The following FBLN1 variants were observed in gnomAD, a reference collection of about 807,000 sequenced individuals.
FBLN1 encodes fibulin 1.
Under a neutral mutation model 89.7 loss-of-function variants are expected in FBLN1, and 34 were observed. That is an observed-to-expected ratio of 0.38 (90% CI 0.29 to 0.50). The LOEUF is 0.50. FBLN1 is among the 20% of genes least tolerant of loss of function. The pLI is 0.92. For synonymous variants in FBLN1, 393 were observed against 391.3 expected (o/e 1.00, Z -0.05); for missense variants, 777 against 988.1 (o/e 0.79, Z 2.86).
At chr22:45,592,416 T>C (rs2089146485) in intron 16 of FBLN1, among the ~76,000 whole-genome samples, 1 of 152,124 alleles carries the variant, frequency 6.6e-6, no homozygotes, top group South Asian at 2.1e-4. Context: ...AACCTCTGCC[T>C]CCCATGTTCA....
chr22:45,544,568 A>G (rs1190695162), intron 11 of FBLN1, among the ~76,000 whole-genome samples: 1 of 152,230 alleles, frequency 6.6e-6, no homozygotes, highest in African/African-American at 2.4e-5. Context: ...TCTAAAGTAG[A>G]TGCTTCTAAG....
chr22:45,589,097 A>T (rs992145821), intron 16 of FBLN1, among the ~76,000 whole-genome samples: 1 of 145,788 alleles, frequency 6.9e-6, no homozygotes, highest in East Asian at 2.0e-4. Flanking sequence ...TATATATATA[A>T]AAAATATATA....
Position 45,556,615 on chromosome 22 carries a change from T to C in FBLN1, c.1697+6000T>C, listed in dbSNP as rs2088791479. On this transcript the variant is annotated intron_variant, in intron 14 of 16. Coordinates refer to ENST00000327858, the MANE Select transcript of FBLN1 (RefSeq NM_006486.3). The surrounding 1 kb of genome is among the most constrained non-coding windows in gnomAD (Gnocchi z 4.6). ...GATCTCCTGTATTCCATGCATACTC[T>C]AACTTATCTTCATTTTGGAGTAGTA... 6.6e-6 allele frequency among the ~76,000 whole-genome samples: 1 copy of C among 152,180 alleles called. No homozygotes were observed. The highest frequency in any genetic ancestry group is 6.5e-5 in the Admixed American group (1 of 15,282).
intron 4 of FBLN1, among the ~76,000 whole-genome samples, chr22:45,528,768 C>T (rs1251531216): frequency 1.3e-5 from 2 of 152,144 alleles, no homozygotes; most frequent in Non-Finnish European, 1.5e-5. Context: ...CACGTGCATC[C>T]GTGTCACCAT....
intron 1 of FBLN1, chr22:45,503,356 G>C: frequency 9.4e-6 from 2 of 212,180 alleles, no homozygotes; most frequent in Non-Finnish European, 1.9e-5. Flanking sequence ...GCCGCATCCC[G>C]GGCCCTGGGG....
At chr22:45,529,785 T>C (rs1602180083) in intron 4 of FBLN1, among the ~76,000 whole-genome samples, 2 of 152,262 alleles carry the variant, frequency 1.3e-5, no homozygotes, top group South Asian at 4.2e-4. Flanking sequence ...GAGAATCGCT[T>C]GAACCTGGGA....
rs201120975 is a variant in FBLN1 at position 45,547,209 on chromosome 22, G to A, written c.1441+5G>A. The A allele has an allele frequency of 9.0e-5, 145 of 1,613,488 alleles. No individual in the cohort carries two copies. The highest frequency in any genetic ancestry group is 2.7e-4 in the African/African-American group (20 of 74,980). Reference sequence around the variant, plus strand: ...TGGATGGAGTCACCTGTGAAGGTGCGGACGCCCCTGCCTGCTGAGGGGGAA... The same window carrying A: ...TGGATGGAGTCACCTGTGAAGGTGCAGACGCCCCTGCCTGCTGAGGGGGAA... On this transcript the variant is annotated splice_donor_5th_base_variant and intron_variant, in intron 12 of 16. Coordinates refer to ENST00000327858, the MANE Select transcript of FBLN1 (RefSeq NM_006486.3).
At chr22:45,568,427 A>AAT (rs879829585) in intron 14 of FBLN1, among the ~76,000 whole-genome samples, 22,864 of 102,438 alleles carry the variant, frequency 0.22, 3,183 homozygotes, top group Admixed American at 0.26. Flanking sequence ...TCTGTAGGGG[A>AAT]GTGCTCCTTC....
chr22:45,545,220 A>G lies in FBLN1; in HGVS notation c.1321+1694A>G, dbSNP rs1317904317. 1.3e-5 allele frequency among the ~76,000 whole-genome samples: 2 copies of G among 152,328 alleles called. No homozygotes were observed. Among genetic ancestry groups the G allele is most frequent in the East Asian group, 1.9e-4 (1 of 5,182 alleles). Reference sequence around the variant, plus strand: ...ACAAGATTCACGAGTTGAGTCTCTCAGGCTTGTGTTCAAACCTGACTTCTG... The same window carrying G: ...ACAAGATTCACGAGTTGAGTCTCTCGGGCTTGTGTTCAAACCTGACTTCTG... On this transcript the variant is annotated intron_variant, in intron 11 of 16. Transcript: ENST00000327858. This position sits in a 1 kb window ranked among gnomAD's most constrained non-coding sequence, Gnocchi z 5.9.
intron 14 of FBLN1, among the ~76,000 whole-genome samples, chr22:45,573,484 A>G (rs1332388023): frequency 1.3e-5 from 2 of 151,056 alleles, no homozygotes; most frequent in African/African-American, 2.4e-5. Context: ...GACCAGCCTG[A>G]CCAACATGGT....
intron 1 of FBLN1, among the ~76,000 whole-genome samples, chr22:45,513,209 T>C (rs1199810531): frequency 3.9e-5 from 6 of 152,170 alleles, no homozygotes; most frequent in Non-Finnish European, 7.3e-5. Context: ...TAGGATGTTA[T>C]AAGATGACCA....
chr22:45,521,532 G>A (rs1460923060), intron 2 of FBLN1, among the ~76,000 whole-genome samples: 1 of 152,220 alleles, frequency 6.6e-6, no homozygotes, highest in Non-Finnish European at 1.5e-5. Flanking sequence ...GCTGTCCGCT[G>A]CCCTCCAGCC....
chr22:45,521,454 A>G (rs1475157220), intron 2 of FBLN1, among the ~76,000 whole-genome samples: 1 of 152,174 alleles, frequency 6.6e-6, no homozygotes, highest in African/African-American at 2.4e-5. Flanking sequence ...TACCTGTCCT[A>G]GGCTGCCTCT....
At chr22:45,528,271 C>T (rs758149394) in intron 4 of FBLN1, among the ~76,000 whole-genome samples, 30 of 152,134 alleles carry the variant, frequency 2.0e-4, no homozygotes, top group Non-Finnish European at 4.1e-4. Context: ...AGGCCTTCTG[C>T]TGATTGAGTG....
In FBLN1 at chr22:45,590,591, G is replaced by C. The variant is rs908699800; in HGVS notation, c.1973-9716G>C. Among the ~76,000 whole-genome samples, 1 of 152,224 alleles carries C rather than the reference G, an allele frequency of 6.6e-6. No homozygotes were observed. The highest frequency in any genetic ancestry group is 1.5e-5 in the Non-Finnish European group (1 of 68,038). Reference sequence around the variant, plus strand: ...GAGCACAGTGGGAAGAGGCATGGGAGGGGTGAAAAGGAAGGTGGTACACGT... The same window carrying C: ...GAGCACAGTGGGAAGAGGCATGGGACGGGTGAAAAGGAAGGTGGTACACGT... On this transcript the variant is annotated intron_variant, in intron 16 of 16. Transcript: ENST00000327858. This position sits in a 1 kb window ranked among gnomAD's most constrained non-coding sequence, Gnocchi z 4.1.
At chr22:45,564,961 AG>A in intron 14 of FBLN1, 1 of 1,614,112 alleles carries the variant, frequency 6.2e-7, no homozygotes, top group East Asian at 2.2e-5. Context: ...CCATGGAAGC[AG>A]GGGTTGGAGG....
chr22:45,543,536 G>C lies in FBLN1; in HGVS notation c.1321+10G>C, dbSNP rs573887808. On this transcript the variant is annotated intron_variant, in intron 11 of 16. Transcript: ENST00000327858. ...GGCAGGTCATGTGAAGGTGAGGCTG[G>C]GGCCCCGTCCACTCACCTCCCCCAG... 3 of 1,612,136 alleles carry C rather than the reference G, an allele frequency of 1.9e-6. No individual in the cohort carries two copies. Among genetic ancestry groups the C allele is most frequent in the South Asian group, 1.1e-5 (1 of 90,858 alleles).
intron 1 of FBLN1, among the ~76,000 whole-genome samples, chr22:45,512,220 C>T (rs777240976): frequency 1.8e-4 from 28 of 152,144 alleles, no homozygotes; most frequent in Non-Finnish European, 2.4e-4. Flanking sequence ...CCACATTATC[C>T]TCCTGACTCA....
intron 14 of FBLN1, among the ~76,000 whole-genome samples, chr22:45,554,718 A>T (rs919363174): frequency 6.6e-6 from 1 of 152,222 alleles, no homozygotes; most frequent in Non-Finnish European, 1.5e-5. Flanking sequence ...CACAGCCCAG[A>T]TGGCAGGGCT....
Sources: allele counts gnomAD v4.1 joint callset (sites outside exome capture counted in the v4.1 genomes callset), GRCh38; gene constraint gnomAD v4.1.1; non-coding constraint Gnocchi (gnomAD v3.1); transcripts MANE v1.5; gene names NCBI Gene and HGNC (gene_info 2026-07-23, HGNC 2026-07-21).